SLC3A1: variants seen among roughly 807,000 people sequenced by gnomAD.
The protein encoded by SLC3A1 is amino acid transporter heavy chain SLC3A1.
SLC3A1 carries 78 observed loss-of-function variants against 60.3 expected under a neutral mutation model. That is an observed-to-expected ratio of 1.29 (90% CI 1.08 to 1.56). The LOEUF (loss-of-function observed/expected upper bound fraction) is 1.56, where lower values mean the gene tolerates loss of function less well. Among genes scored for constraint, SLC3A1 ranks in the 40% most tolerant of loss-of-function variants. The pLI, the probability that SLC3A1 is intolerant of heterozygous loss-of-function variation, is 0.00. For synonymous variants in SLC3A1, 392 were observed against 307.9 expected (o/e 1.27, Z -2.86); for missense variants, 1,172 against 858.9 (o/e 1.36, Z -4.56).
At chr2:44,321,655 G>C (rs1672961631), downstream of SLC3A1, 5 of 1,520,466 alleles carry the variant, frequency 3.3e-6, no homozygotes, top group East Asian at 7.3e-5. Flanking sequence ...GTACAAGAGA[G>C]AGACATTTCT....
chr2:44,314,052 A>G (rs1333122234), intron 9 of SLC3A1, 101 bp downstream of exon 9: 3 of 1,576,304 alleles, frequency 1.9e-6, no homozygotes, highest in Non-Finnish European at 2.6e-6. Flanking sequence ...CTTAACGGAT[A>G]CTCTTTAAAT....
rs70965349 is a variant in SLC3A1 at position 44,304,813 on chromosome 2, A to ATTTTTTT, written c.1332+496_1332+502dup. Among the ~76,000 whole-genome samples the ATTTTTTT allele has an allele frequency of 4.5e-4, 39 of 85,864 alleles. 2 individuals are homozygous for ATTTTTTT. The highest frequency in any genetic ancestry group is 6.7e-4 in the Non-Finnish European group (32 of 47,812). 56.3% of individuals were successfully genotyped at this position (85,864 alleles called of 152,430 possible). A position where few individuals can be genotyped will look rare whatever the true frequency, so the allele number is the denominator to read the frequency against. Reference sequence around the variant, plus strand: ...CTTCTGTACTACACTCTTGAAAACAATTTTTTTTTTTTTTTTTTTTTTTTT... The same window carrying ATTTTTTT: ...CTTCTGTACTACACTCTTGAAAACAATTTTTTTTTTTTTTTTTTTTTTTTTTTTTTTT... On this transcript the variant is annotated intron_variant, in intron 7 of 9. Coordinates refer to ENST00000260649, the MANE Select transcript of SLC3A1 (RefSeq NM_000341.4).
chr2:44,286,770 G>A (rs1671624639), intron 4 of SLC3A1, among the ~76,000 whole-genome samples: 1 of 149,010 alleles, frequency 6.7e-6, no homozygotes, highest in Non-Finnish European at 1.5e-5. Context: ...CTGTGACGGT[G>A]AGCTGTGCGG....
downstream of SLC3A1, chr2:44,321,948 CTTTG>C: frequency 1.3e-6 from 2 of 1,561,342 alleles, no homozygotes; most frequent in Non-Finnish European, 1.7e-6. Flanking sequence ...ATGGGATCTT[CTTTG>C]GAAGATCGAG....
At chr2:44,313,259 A>G (rs1672343270) in intron 8 of SLC3A1, among the ~76,000 whole-genome samples, 1 of 152,108 alleles carries the variant, frequency 6.6e-6, no homozygotes. Flanking sequence ...TTTATTTTGT[A>G]GCTACAGATT....
chr2:44,303,833 T>G, intron 6 of SLC3A1: 1 of 525,588 alleles, frequency 1.9e-6, no homozygotes, highest in Non-Finnish European at 3.4e-6. Context: ...ATGCGGTGTT[T>G]GGTTTTCTGT....
At chr2:44,301,322 C>T (rs1672001114) in intron 6 of SLC3A1, 195 bp downstream of exon 6, 3 of 707,184 alleles carry the variant, frequency 4.2e-6, no homozygotes, top group Non-Finnish European at 7.5e-6. Flanking sequence ...CTTTCAGTTT[C>T]CTCTTTTGTA....
At chr2:44,300,500 A>G (rs1005787474) in intron 5 of SLC3A1, among the ~76,000 whole-genome samples, 2 of 152,226 alleles carry the variant, frequency 1.3e-5, no homozygotes, top group Non-Finnish European at 2.9e-5. Context: ...AGACATAGAA[A>G]TGAGACACTG....
chr2:44,282,933 C>G (rs1045742255), intron 3 of SLC3A1, among the ~76,000 whole-genome samples: 1 of 152,178 alleles, frequency 6.6e-6, no homozygotes, highest in African/African-American at 2.4e-5. Context: ...GCTGGGATTA[C>G]AGGTGTAAGC....
chr2:44,275,701 G>A lies in SLC3A1; in HGVS notation c.166G>A (p.Glu56Lys), dbSNP rs886056067. The A allele has an allele frequency of 5.0e-6, 8 of 1,614,202 alleles. No homozygotes were observed. Among genetic ancestry groups the A allele is most frequent in the Non-Finnish European group, 6.8e-6 (8 of 1,180,014 alleles). Residue 56 changes from glutamate (E) to lysine (K), a missense_variant, in exon 1 of 10, where the codon GAG becomes AAG. By Grantham distance (56) the Glu-to-Lys change is moderately conservative. Coordinates refer to ENST00000260649, the MANE Select transcript of SLC3A1 (RefSeq NM_000341.4). ...CACCAGGGGCATCCTTGGCTCCCAGGAGCCCGACTTCAAGGGCGTCCAGCC... is the reference window on the plus strand; with the variant it reads ...CACCAGGGGCATCCTTGGCTCCCAGAAGCCCGACTTCAAGGGCGTCCAGCC... ...HSTRGILGSQ[E>K]PDFKGVQPYA...
At chr2:44,301,250 T>C (rs1398875961) in intron 6 of SLC3A1, 123 bp downstream of exon 6, 21 of 1,276,868 alleles carry the variant, frequency 1.6e-5, no homozygotes, top group Non-Finnish European at 2.4e-5. Context: ...TAACTCTAAT[T>C]GATTACAGTT....
At chr2:44,314,681 A>C (rs1572817089) in intron 9 of SLC3A1, 1 of 152,714 alleles carries the variant, frequency 6.5e-6, no homozygotes, top group Non-Finnish European at 1.5e-5. Flanking sequence ...AGCCACACAA[A>C]CCCTCCTGCT....
rs147439861 is a variant in SLC3A1, at chr2:44,296,769, A to T, written c.892-3202A>T. Among the ~76,000 whole-genome samples, 428 of 152,302 alleles carry T rather than the reference A, an allele frequency of 2.8e-3. 10 individuals carry two copies. Among genetic ancestry groups the T allele is most frequent in the Admixed American group, 0.02 (306 of 15,294 alleles). On this transcript the variant is annotated intron_variant, in intron 4 of 9. Coordinates refer to ENST00000260649, the MANE Select transcript of SLC3A1 (RefSeq NM_000341.4). ...TGTCCTCACCCCAGTCTCATCTTGA[A>T]TTGTAATTCTCATAATCCCCATGTG...
chr2:44,289,702 C>G (rs1237083823), intron 4 of SLC3A1, among the ~76,000 whole-genome samples: 1 of 152,160 alleles, frequency 6.6e-6, no homozygotes, highest in Non-Finnish European at 1.5e-5. Flanking sequence ...GCAATCTCAG[C>G]TCACTGCAAC....
At chr2:44,286,744 C>A (rs1472902781) in intron 4 of SLC3A1, among the ~76,000 whole-genome samples, 2 of 123,536 alleles carry the variant, frequency 1.6e-5, no homozygotes, top group Non-Finnish European at 3.3e-5. Context: ...GTGCCTGTGA[C>A]TGAGCTGTGC....
In SLC3A1 at chr2:44,280,874, G is replaced by C; in HGVS notation, c.589G>C (p.Val197Leu). Residue 197 changes from valine (V) to leucine (L), a missense_variant, in exon 2 of 10, where the codon GTT becomes CTT. Coordinates refer to ENST00000260649, the MANE Select transcript of SLC3A1 (RefSeq NM_000341.4). Reference sequence around the variant, plus strand: ...AACGATGGAAGATTTTGAGAATCTGGTTGCAGCCATACATGATAAAGGTAA... The same window carrying C: ...AACGATGGAAGATTTTGAGAATCTGCTTGCAGCCATACATGATAAAGGTAA... ...FGTMEDFENL[V>L]AAIHDKGLKL... is the part of the protein sequence containing the mutation. The C allele has an allele frequency of 3.1e-6, 5 of 1,614,066 alleles. No individual in the cohort carries two copies. Among genetic ancestry groups the C allele is most frequent in the Non-Finnish European group, 4.2e-6 (5 of 1,179,984 alleles).
chr2:44,276,888 A>G (rs1671355846), intron 1 of SLC3A1, among the ~76,000 whole-genome samples: 1 of 152,196 alleles, frequency 6.6e-6, no homozygotes, highest in African/African-American at 2.4e-5. Context: ...CTCTACTTCA[A>G]GGCAACAATA....
At chr2:44,300,927 T>C (rs1461450773) in intron 5 of SLC3A1, 76 bp from the exon 6 acceptor site, 6 of 1,584,930 alleles carry the variant, frequency 3.8e-6, no homozygotes, top group Non-Finnish European at 5.2e-6. Flanking sequence ...GAAGAGGTTG[T>C]CTACATTCAT....
intron 6 of SLC3A1, among the ~76,000 whole-genome samples, chr2:44,302,462 C>T (rs944347112): frequency 1.5e-4 from 23 of 152,086 alleles, no homozygotes; most frequent in African/African-American, 5.1e-4. Flanking sequence ...TCCGATTACT[C>T]TGTCTCCATT....
Sources: gnomAD v4.1 joint callset for allele counts (sites outside exome capture counted in the v4.1 genomes callset) on GRCh38, gnomAD v4.1.1 for gene constraint, MANE v1.5 for transcripts, NCBI Gene and HGNC (gene_info 2026-07-23, HGNC 2026-07-21) for gene names.